The following JPH1 variants were observed in gnomAD, a reference collection of about 807,000 sequenced individuals.
JPH1 encodes the protein junctophilin 1.
A neutral mutation model predicts 53.6 loss-of-function variants in JPH1; 12 were observed. The ratio of observed to expected loss-of-function variants is 0.22; its 90% CI spans 0.14 to 0.36. The LOEUF (loss-of-function observed/expected upper bound fraction) is 0.36. Ranked by LOEUF, JPH1 falls within the 10% of genes least tolerant of loss-of-function variation. JPH1 has a pLI of 1.00. For synonymous variants in JPH1, 375 were observed against 363.8 expected (o/e 1.03, Z -0.35); for missense variants, 808 against 905.5 (o/e 0.89, Z 1.38).
intron 2 of JPH1, among the ~76,000 whole-genome samples, chr8:74,276,980 T>A (rs1167766341): frequency 1.3e-5 from 2 of 152,252 alleles, no homozygotes; most frequent in Non-Finnish European, 2.9e-5. Flanking sequence ...AACAAGTGAT[T>A]GTTAGCTACA....
intron 3 of JPH1, among the ~76,000 whole-genome samples, chr8:74,250,432 C>T (rs948692260): frequency 3.3e-5 from 5 of 152,134 alleles, no homozygotes; most frequent in Admixed American, 1.3e-4. Flanking sequence ...TGTGCCTAGC[C>T]TAAAAAGAAA....
At chr8:74,305,490 C>T (rs917245062) in intron 2 of JPH1, among the ~76,000 whole-genome samples, 1 of 152,208 alleles carries the variant, frequency 6.6e-6, no homozygotes, top group African/African-American at 2.4e-5. Context: ...GAAACTGCTA[C>T]TTTAATTCTT....
intron 3 of JPH1, among the ~76,000 whole-genome samples, chr8:74,255,445 G>T (rs1806192051): frequency 6.6e-6 from 1 of 152,056 alleles, no homozygotes. Context: ...AAAAACCCTA[G>T]AAGAAAACCT....
rs117740306 is a variant in JPH1, at chr8:74,269,001, T to C, written c.1140-9498A>G. ...TTTTTAAAAATTAAGCAAACACCAT[T>C]CACTCCTTAAAAGTGACATGCACCC... On this transcript the variant is annotated intron_variant, in intron 2 of 5. Coordinates refer to ENST00000342232, the MANE Select transcript of JPH1 (RefSeq NM_020647.4). 5.1e-3 allele frequency among the ~76,000 whole-genome samples: 772 copies of C among 152,216 alleles called. 1 individual carries two copies. The highest frequency in any genetic ancestry group is 8.6e-3 in the Non-Finnish European group (585 of 68,030).
rs189123214 is a variant in JPH1 at position 74,291,244 on chromosome 8, C to T, written c.1139+23617G>A. On this transcript the variant is annotated intron_variant, in intron 2 of 5. Coordinates refer to ENST00000342232, the MANE Select transcript of JPH1 (RefSeq NM_020647.4). The stretch of plus-strand genomic sequence containing the variant: ...TACAATCTACCCATTTGACAAAGGG[C>T]TAATATCCAGAATCTACAAAGAACT... Among the ~76,000 whole-genome samples the T allele has an allele frequency of 3.7e-3, 559 of 152,274 alleles. 7 individuals are homozygous for T. The highest frequency in any genetic ancestry group is 2.6e-3 in the Non-Finnish European group (177 of 68,020).
Position 74,245,208 on chromosome 8 carries a change from A to G in JPH1, c.1259-33T>C, listed in dbSNP as rs200127011. On this transcript the variant is annotated intron_variant, in intron 3 of 5. Transcript: ENST00000342232. ...AAAAAAAAAGAAAAAAGAAAAAAAG[A>G]AAGGAGGTATATATACATATATTTT... 1.4e-4 allele frequency: 219 copies of G among 1,533,046 alleles called. 2 individuals carry two copies. In the East Asian group the frequency reaches 4.8e-3, roughly 33 times the overall value. The allele number at this position is 1,533,046 out of a possible 1,614,324, so 95.0% of individuals were successfully genotyped here. A position where few individuals can be genotyped will look rare whatever the true frequency, so the allele number is the denominator to read the frequency against.
At chr8:74,305,426 G>A (rs1807804707) in intron 2 of JPH1, among the ~76,000 whole-genome samples, 1 of 152,222 alleles carries the variant, frequency 6.6e-6, no homozygotes, top group African/African-American at 2.4e-5. Flanking sequence ...CCCATTTTGG[G>A]GGCTTTCCAG....
intron 2 of JPH1, among the ~76,000 whole-genome samples, chr8:74,279,616 C>T (rs1220734866): frequency 3.3e-5 from 5 of 152,174 alleles, no homozygotes; most frequent in African/African-American, 2.4e-5. Flanking sequence ...GTGATATATT[C>T]GTTTCCTCAT....
intron 4 of JPH1, among the ~76,000 whole-genome samples, chr8:74,239,583 T>C (rs1200161303): frequency 1.3e-5 from 2 of 152,202 alleles, no homozygotes; most frequent in African/African-American, 4.8e-5. Flanking sequence ...AAAACTCTTA[T>C]AACTCAGAAA....
chr8:74,279,190 A>G (rs1414815516), intron 2 of JPH1, among the ~76,000 whole-genome samples: 1 of 152,198 alleles, frequency 6.6e-6, no homozygotes, highest in Non-Finnish European at 1.5e-5. Context: ...TCCTTGAGAA[A>G]CAAAGACCTG....
In JPH1 at chr8:74,320,410, A is replaced by G. The variant is rs1808279869; in HGVS notation, c.379+499T>C. ...TCTATCTTTAGGCTACTGGAGGACCAGAAGCGAAATACGACTCCACGTGAA... is the reference window on the plus strand; with the variant it reads ...TCTATCTTTAGGCTACTGGAGGACCGGAAGCGAAATACGACTCCACGTGAA... On this transcript the variant is annotated intron_variant, in intron 1 of 5. Coordinates refer to ENST00000342232, the MANE Select transcript of JPH1 (RefSeq NM_020647.4). This position sits in a 1 kb window ranked among gnomAD's most constrained non-coding sequence, Gnocchi z 4.4. 6.6e-6 allele frequency among the ~76,000 whole-genome samples: 1 copy of G among 152,216 alleles called. No homozygotes were observed. The highest frequency in any genetic ancestry group is 2.1e-4 in the South Asian group (1 of 4,826).
In JPH1 at chr8:74,246,047, C is replaced by T. The variant is rs551886625; in HGVS notation, c.1259-872G>A. Among the ~76,000 whole-genome samples the T allele has an allele frequency of 2.0e-5, 3 of 152,168 alleles. No homozygotes were observed. The East Asian group carries it at 5.8e-4, about 29-fold the overall frequency. On this transcript the variant is annotated intron_variant, in intron 3 of 5. Transcript: ENST00000342232. ...GAGGCTGTGGTCTGGAAAGGGGCAT[C>T]TCTGGGCTGAGACAGAGACCTTAGA... is the stretch of plus-strand genomic sequence containing the variant.
At position 74,320,231 on chromosome 8, in the gene JPH1, C is replaced by G. The variant is rs929215471; in HGVS notation, c.379+678G>C. Among the ~76,000 whole-genome samples the G allele has an allele frequency of 6.6e-6, 1 of 152,174 alleles. No individual in the cohort carries two copies. Among genetic ancestry groups the G allele is most frequent in the African/African-American group, 2.4e-5 (1 of 41,438 alleles). ...GCAAAGACTGCTACTCTTTTAAGACCAATACTTTAAGAAACGGAATGAAAA... is the reference window on the plus strand; with the variant it reads ...GCAAAGACTGCTACTCTTTTAAGACGAATACTTTAAGAAACGGAATGAAAA... On this transcript the variant is annotated intron_variant, in intron 1 of 5. Coordinates refer to ENST00000342232, the MANE Select transcript of JPH1 (RefSeq NM_020647.4). The surrounding 1 kb of genome is among the most constrained non-coding windows in gnomAD (Gnocchi z 4.4).
At chr8:74,249,844 G>A (rs1421057275) in intron 3 of JPH1, among the ~76,000 whole-genome samples, 1 of 152,056 alleles carries the variant, frequency 6.6e-6, no homozygotes. Flanking sequence ...GTTAACACTG[G>A]TCCATAATAA....
intron 2 of JPH1, among the ~76,000 whole-genome samples, chr8:74,267,818 C>T (rs976611751): frequency 6.6e-6 from 1 of 152,114 alleles, no homozygotes; most frequent in Non-Finnish European, 1.5e-5. Context: ...GAAGGATGCC[C>T]ACAGAACAGG....
At chr8:74,257,328 A>C (rs1015754372) in intron 3 of JPH1, among the ~76,000 whole-genome samples, 3 of 152,132 alleles carry the variant, frequency 2.0e-5, no homozygotes, top group African/African-American at 4.8e-5. Flanking sequence ...ATGCTTTTAC[A>C]CCAGAAAAGG....
rs549631960 is a variant in JPH1, at chr8:74,252,846, C to A, written c.1258+6539G>T. Among the ~76,000 whole-genome samples the A allele has an allele frequency of 3.2e-3, 492 of 152,176 alleles. 4 individuals are homozygous for A. The highest frequency in any genetic ancestry group is 0.011 in the African/African-American group (475 of 41,438). On this transcript the variant is annotated intron_variant, in intron 3 of 5. Transcript: ENST00000342232. ...CAATTCAACAAGAAGAACTAACTATCCTAAATATATATGCACCCAATACAG... is the reference window on the plus strand; with the variant it reads ...CAATTCAACAAGAAGAACTAACTATACTAAATATATATGCACCCAATACAG...
intron 2 of JPH1, among the ~76,000 whole-genome samples, chr8:74,282,419 T>G (rs1365154940): frequency 6.6e-6 from 1 of 152,168 alleles, no homozygotes; most frequent in Non-Finnish European, 1.5e-5. Flanking sequence ...TTGGAAAGCT[T>G]TAAGTTTTTT....
intron 2 of JPH1, among the ~76,000 whole-genome samples, chr8:74,302,439 G>A (rs1007714846): frequency 1.3e-5 from 2 of 152,090 alleles, no homozygotes; most frequent in Non-Finnish European, 2.9e-5. Context: ...GAAACCACTA[G>A]TAATTTTCCC....
Sources: gnomAD v4.1 joint callset for allele counts (sites outside exome capture counted in the v4.1 genomes callset) on GRCh38, gnomAD v4.1.1 for gene constraint, Gnocchi (gnomAD v3.1) non-coding constraint, MANE v1.5 for transcripts, NCBI Gene and HGNC (gene_info 2026-07-23, HGNC 2026-07-21) for gene names.